DNAJC24: variants seen among roughly 807,000 people sequenced by gnomAD.
DNAJC24 encodes dnaJ homolog subfamily C member 24.
In DNAJC24, 17 loss-of-function variants were observed where a neutral mutation model predicts 18.0. The ratio of observed to expected loss-of-function variants is 0.94; its 90% CI spans 0.65 to 1.42. DNAJC24 has a LOEUF of 1.42. Among genes scored for constraint, DNAJC24 ranks in the 40% most tolerant of loss-of-function variants. DNAJC24 has a pLI of 0.00. For synonymous variants in DNAJC24, 55 were observed against 57.7 expected (o/e 0.95, Z 0.21); for missense variants, 158 against 175.6 (o/e 0.90, Z 0.57).
chr11:31,372,826 C>T lies in DNAJC24; in HGVS notation c.111+1967C>T, dbSNP rs987310242. Among the ~76,000 whole-genome samples, 4 of 134,836 alleles carry T rather than the reference C, an allele frequency of 3.0e-5. 2 individuals are homozygous for T. The Admixed American group carries it at 3.0e-4, about 10-fold the overall frequency. 88.5% of individuals were successfully genotyped at this position (134,836 alleles called of 152,430 possible). On this transcript the variant is annotated intron_variant, in intron 2 of 4. Coordinates refer to ENST00000465995, the MANE Select transcript of DNAJC24 (RefSeq NM_181706.5). The stretch of plus-strand genomic sequence containing the variant: ...TGGGCAGGATAATTCTTTGTTATTT[C>T]GGCTGTCCTGTGCTTTGTAAGATGT...
intron 2 of DNAJC24, among the ~76,000 whole-genome samples, chr11:31,372,850 G>A (rs187949149): frequency 3.3e-4 from 45 of 134,816 alleles, no homozygotes; most frequent in African/African-American, 1.1e-3. Context: ...TTTGTAAGAT[G>A]TGTGGCAGGA....
intron 2 of DNAJC24, among the ~76,000 whole-genome samples, chr11:31,379,985 G>C (rs544715078): frequency 2.8e-4 from 42 of 152,114 alleles, no homozygotes; most frequent in South Asian, 8.3e-4. Context: ...AGCCAAGCTG[G>C]TCTTGACCTC....
At chr11:31,381,664 T>C (rs2133470852) in intron 2 of DNAJC24, among the ~76,000 whole-genome samples, 1 of 151,754 alleles carries the variant, frequency 6.6e-6, no homozygotes, top group East Asian at 1.9e-4. Flanking sequence ...AACCTCCGCC[T>C]TCCCAGTTCA....
chr11:31,396,419 C>A (rs917197210), intron 2 of DNAJC24: 3 of 360,568 alleles, frequency 8.3e-6, no homozygotes, highest in African/African-American at 6.4e-5. Flanking sequence ...CAATTATATG[C>A]AAATTTTTAT....
chr11:31,398,291 T>A (rs998952516), intron 2 of DNAJC24, among the ~76,000 whole-genome samples: 1 of 152,162 alleles, frequency 6.6e-6, no homozygotes, highest in Non-Finnish European at 1.5e-5. Flanking sequence ...CTTTCTCTCA[T>A]CATTAGGTAT....
rs1952914163 is a variant in DNAJC24 at position 31,430,712 on chromosome 11, T to C, written c.*311T>C. ...AGAATTTTCTTAATATGAGCATGTC[T>C]CCTCTTTTCAGTGGGTAACAGTATC... On this transcript the variant is annotated 3_prime_UTR_variant, in exon 5 of 5. Coordinates refer to ENST00000465995, the MANE Select transcript of DNAJC24 (RefSeq NM_181706.5). The C allele has an allele frequency of 6.3e-6, 1 of 157,628 alleles. No homozygotes were observed. Among genetic ancestry groups the C allele is most frequent in the African/African-American group, 2.4e-5 (1 of 41,570 alleles). 9.8% of individuals were successfully genotyped at this position (157,628 alleles called of 1,614,324 possible).
In DNAJC24 at chr11:31,370,715, G is replaced by C. The variant is rs760112613; in HGVS notation, c.-33-1G>C. 12 of 1,414,420 alleles carry C rather than the reference G, an allele frequency of 8.5e-6. No individual in the cohort carries two copies. In the South Asian group the frequency reaches 1.5e-4, roughly 18 times the overall value. 87.6% of individuals were successfully genotyped at this position (1,414,420 alleles called of 1,614,324 possible). A position where few individuals can be genotyped will look rare whatever the true frequency, so the allele number is the denominator to read the frequency against. On this transcript the variant is annotated splice_acceptor_variant, in intron 1 of 4. Coordinates refer to ENST00000465995, the MANE Select transcript of DNAJC24 (RefSeq NM_181706.5). LOFTEE classifies it low-confidence loss of function (5UTR_SPLICE). ...GAATTGTCATTAATATTTCTATTCA[G>C]CTAATCTGAGAAGGCCCACTTCTGG...
chr11:31,379,009 C>G (rs1252459818), intron 2 of DNAJC24, among the ~76,000 whole-genome samples: 1 of 152,214 alleles, frequency 6.6e-6, no homozygotes, highest in Non-Finnish European at 1.5e-5. Flanking sequence ...CTGCATGGAT[C>G]TGAGTTTCTT....
intron 2 of DNAJC24, among the ~76,000 whole-genome samples, chr11:31,392,548 C>T (rs904630881): frequency 6.6e-6 from 1 of 151,534 alleles, no homozygotes; most frequent in Admixed American, 6.6e-5. Flanking sequence ...AATATTTTTT[C>T]CTTACAAATA....
chr11:31,431,201 G>A lies in DNAJC24; in HGVS notation c.*800G>A, dbSNP rs1456015886. The stretch of plus-strand genomic sequence containing the variant: ...TGCCCAGCTAATTTTTGTATTTTTA[G>A]TAGAGATGGGGTTCCACCATGTTGG... On this transcript the variant is annotated 3_prime_UTR_variant, in exon 5 of 5. Coordinates refer to ENST00000465995, the MANE Select transcript of DNAJC24 (RefSeq NM_181706.5). The A allele has an allele frequency of 6.6e-6, 1 of 151,806 alleles. No individual in the cohort carries two copies. The highest frequency in any genetic ancestry group is 1.5e-5 in the Non-Finnish European group (1 of 68,070). 9.4% of individuals were successfully genotyped at this position (151,806 alleles called of 1,614,324 possible). A position where few individuals can be genotyped will look rare whatever the true frequency, so the allele number is the denominator to read the frequency against.
intron 2 of DNAJC24, chr11:31,384,555 G>A (rs1952409211): frequency 6.6e-6 from 1 of 152,248 alleles, no homozygotes; most frequent in African/African-American, 2.4e-5. Context: ...CTCTATATGA[G>A]TTGCAGTACG....
intron 2 of DNAJC24, among the ~76,000 whole-genome samples, chr11:31,410,077 T>C (rs1457895739): frequency 1.3e-5 from 2 of 152,070 alleles, no homozygotes; most frequent in Admixed American, 1.3e-4. Context: ...AAAACTGGGT[T>C]TCACCATGGT....
chr11:31,429,771 G>C (rs1360863253), intron 4 of DNAJC24: 1 of 163,730 alleles, frequency 6.1e-6, no homozygotes, highest in Non-Finnish European at 1.3e-5. Flanking sequence ...TCTTGAAATA[G>C]TGTGACACTA....
chr11:31,410,428 C>T (rs1417717996), intron 2 of DNAJC24, among the ~76,000 whole-genome samples: 11 of 152,256 alleles, frequency 7.2e-5, no homozygotes, highest in South Asian at 6.2e-4. Flanking sequence ...TATTCTGATA[C>T]AAGTCCTTTG....
chr11:31,398,222 T>G (rs938262549), intron 2 of DNAJC24, among the ~76,000 whole-genome samples: 2 of 152,166 alleles, frequency 1.3e-5, no homozygotes, highest in Non-Finnish European at 2.9e-5. Context: ...TTTACTCTTT[T>G]TTTTTTCCCT....
chr11:31,427,801 T>C (rs1254598436), intron 4 of DNAJC24: 1 of 151,590 alleles, frequency 6.6e-6, no homozygotes, highest in Non-Finnish European at 1.5e-5. Context: ...CTTTTAAATA[T>C]ATAACAATAT....
intron 2 of DNAJC24, among the ~76,000 whole-genome samples, chr11:31,402,438 A>C (rs947294780): frequency 6.6e-6 from 1 of 152,208 alleles, no homozygotes; most frequent in Non-Finnish European, 1.5e-5. Flanking sequence ...CTTAGGCTAC[A>C]CTAGGTTTAT....
chr11:31,399,736 T>G (rs1364654252), intron 2 of DNAJC24, among the ~76,000 whole-genome samples: 1 of 137,288 alleles, frequency 7.3e-6, no homozygotes, highest in African/African-American at 3.0e-5. Flanking sequence ...TTAACTGTTT[T>G]TTCTTTTTTT....
intron 2 of DNAJC24, among the ~76,000 whole-genome samples, chr11:31,376,960 T>TA (rs1952321803): frequency 1.3e-5 from 2 of 152,162 alleles, no homozygotes; most frequent in African/African-American, 2.4e-5. Context: ...AAAAGCATAT[T>TA]ATTTATAATG....
Sources: gnomAD v4.1 joint callset for allele counts (sites outside exome capture counted in the v4.1 genomes callset) on GRCh38, gnomAD v4.1.1 for gene constraint, MANE v1.5 for transcripts, NCBI Gene and HGNC (gene_info 2026-07-23, HGNC 2026-07-21) for gene names.